The following PPP1R17 variants were observed in gnomAD, a reference collection of about 807,000 sequenced individuals.
PPP1R17 encodes the protein protein phosphatase 1 regulatory subunit 17.
PPP1R17 carries 12 observed loss-of-function variants against 15.9 expected under a neutral mutation model. That is an observed-to-expected ratio of 0.75 (90% CI 0.48 to 1.22). The LOEUF is 1.22. Ranked by LOEUF, PPP1R17 falls within the 50% of genes most tolerant of loss-of-function variation. PPP1R17 has a pLI of 0.00. For missense variants in PPP1R17, 211 were observed against 187.3 expected (o/e 1.13, Z -0.74); for synonymous variants, 63 against 64.5 (o/e 0.98, Z 0.11).
chr7:31,695,516 C>G lies in PPP1R17; in HGVS notation c.130C>G (p.Pro44Ala). Residue 44 changes from proline to alanine, a missense_variant, in exon 3 of 5, where the codon CCT becomes GCT. Coordinates refer to ENST00000342032, the MANE Select transcript of PPP1R17 (RefSeq NM_006658.5). ...FIKDCDLKKK[P>A]RKGKNVQATL... Reference sequence around the variant, plus strand: ...TAAGGACTGTGATCTCAAAAAGAAGCCTAGAAAGGGAAAAAATGTACAGGC... The same window carrying G: ...TAAGGACTGTGATCTCAAAAAGAAGGCTAGAAAGGGAAAAAATGTACAGGC... The G allele has an allele frequency of 6.2e-7, 1 of 1,613,312 alleles. No homozygotes were observed. Among genetic ancestry groups the G allele is most frequent in the East Asian group, 2.2e-5 (1 of 44,838 alleles).
chr7:31,694,219 G>A (rs1583832111), intron 2 of PPP1R17, among the ~76,000 whole-genome samples: 1 of 152,276 alleles, frequency 6.6e-6, no homozygotes, highest in East Asian at 1.9e-4. Context: ...ACTCAGGACT[G>A]GAGTTAATAC....
chr7:31,692,615 A>C (rs1408460464), intron 2 of PPP1R17, 92 bp downstream of exon 2: 1 of 1,153,658 alleles, frequency 8.7e-7, no homozygotes, highest in Non-Finnish European at 1.3e-6. Flanking sequence ...GAGAGAGGGC[A>C]CCCCCCGAAA....
At chr7:31,705,160 A>T (rs532731112) in intron 4 of PPP1R17, among the ~76,000 whole-genome samples, 1 of 152,328 alleles carries the variant, frequency 6.6e-6, no homozygotes, top group Admixed American at 6.5e-5. Context: ...GCTGGCTGTG[A>T]TGATTTAACA....
At chr7:31,701,382 C>T (rs954659109) in intron 4 of PPP1R17, among the ~76,000 whole-genome samples, 3 of 152,114 alleles carry the variant, frequency 2.0e-5, no homozygotes, top group African/African-American at 7.2e-5. Context: ...TGAATTGCTG[C>T]AATCTAATGA....
chr7:31,691,642 C>T (rs540507292), intron 1 of PPP1R17, among the ~76,000 whole-genome samples: 12 of 151,742 alleles, frequency 7.9e-5, no homozygotes, highest in South Asian at 4.2e-4. Context: ...AGGGTGGGGA[C>T]GGGGACAGAT....
Position 31,697,118 on chromosome 7 carries a change from G to A in PPP1R17, c.388+1G>A. 2 of 1,613,464 alleles carry A rather than the reference G, an allele frequency of 1.2e-6. No individual in the cohort carries two copies. The highest frequency in any genetic ancestry group is 1.1e-5 in the South Asian group (1 of 90,936). ...CTGCACATGTCCCCCTTTGCAGCAG[G>A]TAAAAAAGCTGGTGCAGGGCATTTG... On this transcript the variant is annotated splice_donor_variant, in intron 4 of 4. Coordinates refer to ENST00000342032, the MANE Select transcript of PPP1R17 (RefSeq NM_006658.5). LOFTEE classifies it high-confidence loss of function.
chr7:31,692,178 A>T (rs764646908), intron 1 of PPP1R17, among the ~76,000 whole-genome samples: 1 of 152,158 alleles, frequency 6.6e-6, no homozygotes, highest in Non-Finnish European at 1.5e-5. Flanking sequence ...TTGATACATG[A>T]CAATTATGAA....
intron 4 of PPP1R17, among the ~76,000 whole-genome samples, chr7:31,703,206 G>T (rs905497271): frequency 6.6e-5 from 10 of 152,176 alleles, no homozygotes; most frequent in African/African-American, 2.4e-4. Flanking sequence ...TCCATTCTCT[G>T]TTCAATCTTA....
chr7:31,707,139 T>C, intron 4 of PPP1R17, 65 bp from the exon 5 acceptor site: 3 of 1,458,982 alleles, frequency 2.1e-6, no homozygotes, highest in Non-Finnish European at 2.9e-6. Context: ...ACTGTGTCTG[T>C]CTGCAACGTT....
intron 1 of PPP1R17, among the ~76,000 whole-genome samples, chr7:31,691,708 A>T (rs1171962986): frequency 6.9e-6 from 1 of 144,972 alleles, no homozygotes; most frequent in African/African-American, 2.5e-5. Context: ...CAAAACCCAG[A>T]TTTTCTCCTA....
At chr7:31,694,263 A>G (rs763305590) in intron 2 of PPP1R17, among the ~76,000 whole-genome samples, 1 of 152,134 alleles carries the variant, frequency 6.6e-6, no homozygotes, top group Non-Finnish European at 1.5e-5. Flanking sequence ...GCTTTCCCCT[A>G]AGTTTAGTGG....
intron 1 of PPP1R17, among the ~76,000 whole-genome samples, chr7:31,688,938 A>C: frequency 6.6e-6 from 1 of 152,240 alleles, no homozygotes; most frequent in Admixed American, 6.5e-5. Context: ...TAAGTTCAAC[A>C]CAAACTCATT....
At chr7:31,699,634 A>G (rs1792756291) in intron 4 of PPP1R17, among the ~76,000 whole-genome samples, 1 of 151,430 alleles carries the variant, frequency 6.6e-6, no homozygotes, top group African/African-American at 2.4e-5. Flanking sequence ...CTTTTCAGAT[A>G]TTGGTGGTTT....
At chr7:31,704,269 G>A (rs185766087) in intron 4 of PPP1R17, among the ~76,000 whole-genome samples, 23 of 152,296 alleles carry the variant, frequency 1.5e-4, no homozygotes, top group Admixed American at 2.6e-4. Context: ...TTTATCAGAA[G>A]ACGTGGTGTC....
intron 2 of PPP1R17, among the ~76,000 whole-genome samples, chr7:31,693,531 C>A (rs1792446091): frequency 6.6e-6 from 1 of 152,308 alleles, no homozygotes. Flanking sequence ...GCTTTCTGAG[C>A]CTCAGTTTCC....
chr7:31,700,634 G>C (rs1293584686), intron 4 of PPP1R17, among the ~76,000 whole-genome samples: 1 of 152,134 alleles, frequency 6.6e-6, no homozygotes, highest in East Asian at 1.9e-4. Flanking sequence ...TGCCATCTAG[G>C]CCATTCATAG....
At chr7:31,695,686 G>A (rs2240966) in intron 3 of PPP1R17, 65 bp downstream of exon 3, 161,813 of 1,480,710 alleles carry the variant, frequency 0.11, 11,113 homozygotes, top group East Asian at 0.36. Flanking sequence ...TGCATTGTTC[G>A]TACACATTTT....
chr7:31,698,138 A>C (rs1792680831), intron 4 of PPP1R17, among the ~76,000 whole-genome samples: 1 of 152,162 alleles, frequency 6.6e-6, no homozygotes, highest in Non-Finnish European at 1.5e-5. Context: ...CAGAAGAAAC[A>C]CTCTGGGGAG....
At chr7:31,696,529 C>T (rs1021249516) in intron 3 of PPP1R17, among the ~76,000 whole-genome samples, 5 of 152,056 alleles carry the variant, frequency 3.3e-5, no homozygotes, top group African/African-American at 9.7e-5. Context: ...AGCAGGAGGG[C>T]GGAGGTATCA....
Sources: allele counts gnomAD v4.1 joint callset (sites outside exome capture counted in the v4.1 genomes callset), GRCh38; gene constraint gnomAD v4.1.1; transcripts MANE v1.5; gene names NCBI Gene and HGNC (gene_info 2026-07-23, HGNC 2026-07-21).